The following TMEM116 variants were observed in gnomAD, a reference collection of about 807,000 sequenced individuals.
The protein encoded by TMEM116 is transmembrane protein 116.
In TMEM116, 38 loss-of-function variants were observed where a neutral mutation model predicts 44.3. The observed-to-expected ratio is 0.86, with a 90% CI of 0.66 to 1.12. The LOEUF (loss-of-function observed/expected upper bound fraction) is 1.12. TMEM116 is among the 50% of genes most tolerant of loss of function. The pLI is 0.00. For missense variants in TMEM116, 354 were observed against 401.7 expected (o/e 0.88, Z 1.01); for synonymous variants, 132 against 144.8 (o/e 0.91, Z 0.64).
chr12:111,976,255 G>A, intron 4 of TMEM116, among the ~76,000 whole-genome samples: 1 of 152,044 alleles, frequency 6.6e-6, no homozygotes, highest in East Asian at 1.9e-4. Context: ...ATCTGCCCGA[G>A]AAACCCACAG....
chr12:111,988,953 T>C (rs1047679331), intron 4 of TMEM116, among the ~76,000 whole-genome samples: 2 of 150,716 alleles, frequency 1.3e-5, no homozygotes, highest in African/African-American at 2.4e-5. Flanking sequence ...GATTATGCCA[T>C]TGCACTCCAG....
At chr12:111,939,985 G>A (rs2072572996) in intron 5 of TMEM116, among the ~76,000 whole-genome samples, 1 of 148,348 alleles carries the variant, frequency 6.7e-6, no homozygotes, top group Admixed American at 6.8e-5. Context: ...TAATATCTTA[G>A]GCTATGGTTG....
At chr12:112,007,440 A>G (rs994815676) in intron 1 of TMEM116, among the ~76,000 whole-genome samples, 2 of 152,138 alleles carry the variant, frequency 1.3e-5, no homozygotes, top group African/African-American at 4.8e-5. Context: ...TAAAAATAAA[A>G]CAAAACAGAA....
chr12:111,941,362 G>A (rs1280185662), intron 5 of TMEM116, among the ~76,000 whole-genome samples: 1 of 145,314 alleles, frequency 6.9e-6, no homozygotes. Flanking sequence ...GCGACAGAGC[G>A]AGATTCCATC....
At chr12:111,999,077 T>C (rs145579498) in intron 3 of TMEM116, among the ~76,000 whole-genome samples, 1,588 of 152,108 alleles carry the variant, frequency 0.01, 11 homozygotes, top group South Asian at 0.016. Flanking sequence ...TACAAAGAAA[T>C]GTATAATATA....
At chr12:112,006,540 C>T (rs996983526) in intron 1 of TMEM116, among the ~76,000 whole-genome samples, 3 of 152,190 alleles carry the variant, frequency 2.0e-5, no homozygotes, top group Admixed American at 6.5e-5. Context: ...TTACATTATT[C>T]ATTAATACAC....
chr12:112,008,106 C>T (rs1253943029), intron 1 of TMEM116, among the ~76,000 whole-genome samples: 1 of 152,186 alleles, frequency 6.6e-6, no homozygotes. Context: ...TCTCTTGAGG[C>T]TGAGGTCCAG....
At position 111,931,819 on chromosome 12, in the gene TMEM116, C is replaced by T. The variant is rs552766773; in HGVS notation, c.816G>A (p.Thr272=). The change falls in exon 11 of 11, where the codon ACG becomes ACA. Residue 272 remains threonine (T), a synonymous_variant. Coordinates refer to ENST00000552374, the MANE Select transcript of TMEM116 (RefSeq NM_001193531.2). The stretch of plus-strand genomic sequence containing the variant: ...AGTTGAGTAGACCCTGAGATGTTGC[C>T]GTTAGAGCCTGGAGGAGATGAAGGG... The part of the protein sequence containing the change: ...HMALYVLQAL[T]ATSQGLLNCG... The T allele has an allele frequency of 1.6e-5, 25 of 1,517,030 alleles. No individual in the cohort carries two copies. Among genetic ancestry groups the T allele is most frequent in the South Asian group, 5.4e-5 (4 of 74,400 alleles). 94.0% of individuals were successfully genotyped at this position (1,517,030 alleles called of 1,614,324 possible).
chr12:111,987,509 C>CA (rs35466717), intron 4 of TMEM116, among the ~76,000 whole-genome samples: 6,810 of 91,490 alleles, frequency 0.074, 1,073 homozygotes, highest in East Asian at 0.63. Flanking sequence ...TGTCCCCCCT[C>CA]AAAAAAAAAA....
intron 4 of TMEM116, among the ~76,000 whole-genome samples, chr12:111,986,340 C>G (rs1224973669): frequency 6.6e-6 from 1 of 152,014 alleles, no homozygotes; most frequent in East Asian, 1.9e-4. Flanking sequence ...GACTGGGCGA[C>G]AGAGCAAGAC....
intron 4 of TMEM116, among the ~76,000 whole-genome samples, chr12:111,968,850 G>A (rs1004876144): frequency 6.6e-5 from 10 of 151,664 alleles, no homozygotes; most frequent in African/African-American, 2.2e-4. Context: ...AAAATTAGCC[G>A]GGGGTGGTGG....
intron 4 of TMEM116, among the ~76,000 whole-genome samples, chr12:111,947,176 T>TTC: frequency 6.6e-6 from 1 of 151,798 alleles, no homozygotes; most frequent in South Asian, 2.1e-4. Flanking sequence ...TAAAGACTTT[T>TTC]TTTTTTTTTT....
chr12:111,992,013 A>G, intron 3 of TMEM116, 124 bp from the exon 4 acceptor site: 2 of 1,029,504 alleles, frequency 1.9e-6, no homozygotes, highest in Non-Finnish European at 2.7e-6. Flanking sequence ...GGCCTCTGCC[A>G]TTGGTTGATT....
intron 4 of TMEM116, among the ~76,000 whole-genome samples, chr12:111,945,501 G>T (rs1296963757): frequency 6.6e-6 from 1 of 151,840 alleles, no homozygotes; most frequent in Non-Finnish European, 1.5e-5. Flanking sequence ...GAAGTTTTCA[G>T]GTTTAAAATT....
chr12:111,951,902 T>C (rs1289346180), intron 4 of TMEM116, among the ~76,000 whole-genome samples: 1 of 152,200 alleles, frequency 6.6e-6, no homozygotes, highest in Non-Finnish European at 1.5e-5. Flanking sequence ...TTTGTTCAGC[T>C]TGCACTAAGT....
chr12:111,974,788 C>G (rs956002472), intron 4 of TMEM116, among the ~76,000 whole-genome samples: 1 of 151,892 alleles, frequency 6.6e-6, no homozygotes. Flanking sequence ...GCTATTCAAA[C>G]TAATGAATGA....
intron 4 of TMEM116, among the ~76,000 whole-genome samples, chr12:111,981,183 A>T (rs944098526): frequency 3.3e-5 from 5 of 152,232 alleles, no homozygotes; most frequent in African/African-American, 1.2e-4. Flanking sequence ...GATGGAGTAC[A>T]GAACTCCAAA....
intron 3 of TMEM116, among the ~76,000 whole-genome samples, chr12:111,999,758 AT>A (rs1466056911): frequency 8.5e-5 from 13 of 152,334 alleles, no homozygotes; most frequent in African/African-American, 2.9e-4. Flanking sequence ...ACATAAAAAA[AT>A]AAATAAAAGA....
At chr12:112,004,656 CTT>C (rs111451127) in intron 2 of TMEM116, among the ~76,000 whole-genome samples, 2 of 146,410 alleles carry the variant, frequency 1.4e-5, no homozygotes, top group African/African-American at 5.0e-5. Context: ...CCATGCCAAT[CTT>C]TTTTTTTTTT....
Sources: gnomAD v4.1 joint callset for allele counts (sites outside exome capture counted in the v4.1 genomes callset) on GRCh38, gnomAD v4.1.1 for gene constraint, MANE v1.5 for transcripts, NCBI Gene and HGNC (gene_info 2026-07-23, HGNC 2026-07-21) for gene names.